The following PTPN12 variants were observed in gnomAD, a reference collection of about 807,000 sequenced individuals.
PTPN12 encodes tyrosine-protein phosphatase non-receptor type 12.
In PTPN12, 29 loss-of-function variants were observed where a neutral mutation model predicts 97.6. The observed-to-expected ratio is 0.30, with a 90% confidence interval of 0.22 to 0.41. PTPN12 has a LOEUF of 0.41. PTPN12 is among the 10% of genes least tolerant of loss of function. The pLI, the probability that PTPN12 is intolerant of heterozygous loss-of-function variation, is 1.00. For missense variants in PTPN12, 819 were observed against 926.0 expected (o/e 0.88, Z 1.50); for synonymous variants, 327 against 300.4 (o/e 1.09, Z -0.91).
chr7:77,549,228 CA>C (rs1197629916), intron 1 of PTPN12, among the ~76,000 whole-genome samples: 19 of 152,060 alleles, frequency 1.2e-4, no homozygotes, highest in African/African-American at 4.6e-4. Flanking sequence ...GCGGGCAGTC[CA>C]AAGAGTGTCT....
chr7:77,609,418 C>G (rs945872403), intron 9 of PTPN12, among the ~76,000 whole-genome samples: 2 of 151,042 alleles, frequency 1.3e-5, no homozygotes, highest in Non-Finnish European at 2.9e-5. Flanking sequence ...ATTACATGCA[C>G]GCGGCACCAT....
intron 6 of PTPN12, among the ~76,000 whole-genome samples, chr7:77,596,935 G>A (rs1788040243): frequency 1.3e-5 from 2 of 152,122 alleles, no homozygotes; most frequent in South Asian, 4.2e-4. Flanking sequence ...TATACATTCT[G>A]TGGGTTTGAA....
rs147081667 is a variant in PTPN12 at position 77,541,566 on chromosome 7, C to T, written c.99+3921C>T. Among the ~76,000 whole-genome samples, 33 of 152,270 alleles carry T rather than the reference C, an allele frequency of 2.2e-4. 1 individual carries two copies. In the East Asian group the frequency reaches 6.2e-3, roughly 28 times the overall value. ...GGAGTACTAGGTAGACGTATATAAA[C>T]ATTTAATACATGTTCATAAACTTGA... is the stretch of plus-strand genomic sequence containing the variant. On this transcript the variant is annotated intron_variant, in intron 1 of 17. Coordinates refer to ENST00000248594, the MANE Select transcript of PTPN12 (RefSeq NM_002835.4).
At chr7:77,624,590 C>T (rs866746083) in intron 12 of PTPN12, among the ~76,000 whole-genome samples, 42 of 151,912 alleles carry the variant, frequency 2.8e-4, no homozygotes, top group African/African-American at 1.0e-3. Flanking sequence ...CAGGCGCACG[C>T]TACCATGCCT....
chr7:77,633,074 C>A (rs553743612), intron 14 of PTPN12, among the ~76,000 whole-genome samples: 1 of 152,182 alleles, frequency 6.6e-6, no homozygotes, highest in East Asian at 1.9e-4. Context: ...AGTTCAAGAC[C>A]AGCGTGACCA....
Position 77,600,938 on chromosome 7 carries a change from T to C in PTPN12, c.695+132T>C, listed in dbSNP as rs376842185. Reference sequence around the variant, plus strand: ...TGATACAATGTTTGGGACTAGGGCCTTGTAAGTTGATGTGGTCTCATTTGG... The same window carrying C: ...TGATACAATGTTTGGGACTAGGGCCCTGTAAGTTGATGTGGTCTCATTTGG... On this transcript the variant is annotated intron_variant, in intron 8 of 17. Coordinates refer to ENST00000248594, the MANE Select transcript of PTPN12 (RefSeq NM_002835.4). 2.6e-4 allele frequency: 199 copies of C among 756,024 alleles called. 1 individual carries two copies. In the East Asian group the frequency reaches 5.2e-3, roughly 20 times the overall value. 46.8% of individuals were successfully genotyped at this position (756,024 alleles called of 1,614,324 possible).
intron 15 of PTPN12, 31 bp from the exon 16 acceptor site, chr7:77,636,982 ATGTAT>A (rs1562768414): frequency 6.6e-7 from 1 of 1,519,402 alleles, no homozygotes; most frequent in East Asian, 2.3e-5. Context: ...TATAAAATGA[ATGTAT>A]TGTAATAGGT....
intron 5 of PTPN12, among the ~76,000 whole-genome samples, chr7:77,586,455 C>G (rs1787694873): frequency 6.6e-6 from 1 of 151,184 alleles, no homozygotes; most frequent in Non-Finnish European, 1.5e-5. Flanking sequence ...AACGGTAGTT[C>G]ACATTTGAAT....
chr7:77,579,550 T>G (rs1444769993), intron 2 of PTPN12, among the ~76,000 whole-genome samples: 1 of 152,254 alleles, frequency 6.6e-6, no homozygotes, highest in Non-Finnish European at 1.5e-5. Context: ...GATCATTGTC[T>G]TATGGTTATA....
At chr7:77,581,042 T>C (rs1787498986) in intron 2 of PTPN12, among the ~76,000 whole-genome samples, 1 of 92,724 alleles carries the variant, frequency 1.1e-5, no homozygotes, top group Admixed American at 1.5e-4. Flanking sequence ...GGTGTTTTTT[T>C]GTTTTGTTTT....
At chr7:77,615,252 GA>G (rs1788709402) in intron 11 of PTPN12, among the ~76,000 whole-genome samples, 1 of 152,026 alleles carries the variant, frequency 6.6e-6, no homozygotes, top group African/African-American at 2.4e-5. Flanking sequence ...ATGTGATAAT[GA>G]ATTCTGGATT....
At chr7:77,577,291 G>A (rs1787373050) in intron 2 of PTPN12, among the ~76,000 whole-genome samples, 1 of 152,098 alleles carries the variant, frequency 6.6e-6, no homozygotes, top group Non-Finnish European at 1.5e-5. Context: ...TTGTGATTTG[G>A]GCATACCTCT....
intron 6 of PTPN12, among the ~76,000 whole-genome samples, chr7:77,593,524 G>A (rs1787931863): frequency 6.6e-6 from 1 of 152,212 alleles, no homozygotes; most frequent in African/African-American, 2.4e-5. Context: ...GAGAGCTGAT[G>A]TTCAGTTCTA....
In PTPN12 at chr7:77,618,499, A is replaced by G. The variant is rs1446563778; in HGVS notation, c.959A>G (p.Asn320Ser). ...ADGVNEINTENMVSSIEPEKQ... is the reference protein window; with the variant it reads ...ADGVNEINTESMVSSIEPEKQ... Reference sequence around the variant, plus strand: ...TGGCAGAATGAAATTAACACTGAAAACATGGTCAGCTCCATAGAGCCTGAA... The same window carrying G: ...TGGCAGAATGAAATTAACACTGAAAGCATGGTCAGCTCCATAGAGCCTGAA... Residue 320 changes from asparagine to serine, a missense_variant, in exon 12 of 18, where the codon AAC becomes AGC. By Grantham distance (46) the Asn-to-Ser change is conservative (BLOSUM62 1). This residue lies in a region of PTPN12 where 607 missense variants were observed against 577.3 expected (regional missense o/e 1.05). Transcript: ENST00000248594. 6.2e-7 allele frequency: 1 copy of G among 1,601,390 alleles called. No homozygotes were observed. The highest frequency in any genetic ancestry group is 1.1e-5 in the South Asian group (1 of 89,048).
At chr7:77,592,440 C>G in intron 6 of PTPN12, 184 bp downstream of exon 6, 1 of 470,328 alleles carries the variant, frequency 2.1e-6, no homozygotes. Flanking sequence ...GGGTTGACTT[C>G]ATAAATGCAT....
At chr7:77,553,131 G>A (rs1369136823) in intron 1 of PTPN12, among the ~76,000 whole-genome samples, 1 of 152,136 alleles carries the variant, frequency 6.6e-6, no homozygotes, top group Non-Finnish European at 1.5e-5. Context: ...TTTTTTGAGT[G>A]CCATTATGGT....
intron 8 of PTPN12, among the ~76,000 whole-genome samples, chr7:77,604,263 T>C (rs1320052050): frequency 6.5e-5 from 8 of 122,676 alleles, no homozygotes; most frequent in Non-Finnish European, 9.6e-5. Context: ...TCGCCTGGGC[T>C]GGAGTGCAAT....
Position 77,610,779 on chromosome 7 carries a change from A to G in PTPN12, c.777A>G (p.Glu259=). Residue 259 remains glutamate (E), a synonymous_variant, in exon 10 of 18, where the codon GAA becomes GAG. Transcript: ENST00000248594. ...NLLKAGKIPE[E]FNVFNLIQEM... ...TTCTGTTTTAGAAAATACCAGAGGA[A>G]TTTAATGTATTTAATTTAATACAAG... 1.2e-6 allele frequency: 2 copies of G among 1,604,550 alleles called. No homozygotes were observed. The highest frequency in any genetic ancestry group is 1.3e-5 in the African/African-American group (1 of 74,508).
chr7:77,586,245 C>T (rs1268700495), intron 5 of PTPN12, among the ~76,000 whole-genome samples: 6 of 152,174 alleles, frequency 3.9e-5, no homozygotes, highest in African/African-American at 9.7e-5. Context: ...TGAGCCACTG[C>T]GCCTGGCCTT....
Sources: allele counts gnomAD v4.1 joint callset (sites outside exome capture counted in the v4.1 genomes callset), GRCh38; gene constraint gnomAD v4.1.1; regional missense constraint gnomAD v4.1.1; transcripts MANE v1.5; gene names NCBI Gene and HGNC (gene_info 2026-07-23, HGNC 2026-07-21).